Variants in CBFA2T2 observed in about 807,000 individuals in gnomAD.
CBFA2T2 encodes the protein protein CBFA2T2.
In CBFA2T2, 11 loss-of-function variants were observed where a neutral mutation model predicts 62.2. The ratio of observed to expected loss-of-function variants is 0.18; its 90% CI spans 0.11 to 0.29. The LOEUF (loss-of-function observed/expected upper bound fraction) is 0.29, where lower values mean the gene tolerates loss of function less well. Among genes scored for constraint, CBFA2T2 ranks in the 10% least tolerant of loss-of-function variants. The pLI is 1.00. For synonymous variants in CBFA2T2, 295 were observed against 287.5 expected, an observed-to-expected ratio of 1.03 and a Z score of -0.27; for missense variants, 592 against 774.1, an observed-to-expected ratio of 0.76 and a Z score of 2.79.
In CBFA2T2 at chr20:33,623,268, G is replaced by A. The variant is rs750301541; in HGVS notation, c.664G>A (p.Gly222Arg). ...DSSELLMEVH[G>R]NGKRPSPERR... ...GTCAGAGTTGCTCATGGAGGTGCAC[G>A]GAAATGGGAAGAGGCCCAGTCCAGA... Residue 222 changes from glycine (G) to arginine (R), a missense_variant, in exon 5 of 11, where the codon GGA (glycine) becomes AGA (arginine). Coordinates refer to ENST00000342704, the MANE Select transcript of CBFA2T2 (RefSeq NM_001032999.3). 9.3e-6 allele frequency: 15 copies of A among 1,614,108 alleles called. No homozygotes were observed. The highest frequency in any genetic ancestry group is 6.7e-5 in the East Asian group (3 of 44,892).
chr20:33,575,566 G>A (rs895746852), intron 1 of CBFA2T2, among the ~76,000 whole-genome samples: 1 of 152,068 alleles, frequency 6.6e-6, no homozygotes, highest in Non-Finnish European at 1.5e-5. Context: ...ATTGCAGTTA[G>A]TTAAGAGGAA....
intron 1 of CBFA2T2, among the ~76,000 whole-genome samples, chr20:33,595,637 T>A (rs1258431182): frequency 6.6e-6 from 1 of 152,100 alleles, no homozygotes; most frequent in Non-Finnish European, 1.5e-5. Flanking sequence ...CTACAACCTC[T>A]GCCTCCCAGG....
intron 1 of CBFA2T2, among the ~76,000 whole-genome samples, chr20:33,511,606 G>C (rs1315989569): frequency 6.6e-6 from 1 of 152,198 alleles, no homozygotes; most frequent in Non-Finnish European, 1.5e-5. Context: ...GATTACAGGT[G>C]TGAGCCATCA....
At chr20:33,583,499 A>G (rs1042092157) in intron 1 of CBFA2T2, among the ~76,000 whole-genome samples, 3 of 152,254 alleles carry the variant, frequency 2.0e-5, no homozygotes, top group African/African-American at 4.8e-5. Flanking sequence ...AATATAATGT[A>G]TGATGAAGTT....
chr20:33,638,737 A>G (rs1469125004), intron 9 of CBFA2T2: 1 of 152,118 alleles, frequency 6.6e-6, no homozygotes, highest in Non-Finnish European at 1.5e-5. Flanking sequence ...GTAGGGAGCT[A>G]CGTATTTTGG....
intron 6 of CBFA2T2, among the ~76,000 whole-genome samples, chr20:33,627,459 G>A (rs200931091): frequency 5.3e-5 from 8 of 152,114 alleles, no homozygotes; most frequent in African/African-American, 1.9e-4. Context: ...AAACTGGCTT[G>A]CTAATTAATG....
At chr20:33,537,474 G>A (rs1210594547) in intron 1 of CBFA2T2, among the ~76,000 whole-genome samples, 2 of 152,162 alleles carry the variant, frequency 1.3e-5, no homozygotes, top group Non-Finnish European at 2.9e-5. Context: ...GAGGGAGACC[G>A]TGGAAAGAGA....
chr20:33,514,700 A>G (rs958936167), intron 1 of CBFA2T2, among the ~76,000 whole-genome samples: 8 of 151,200 alleles, frequency 5.3e-5, no homozygotes, highest in Non-Finnish European at 1.2e-4. Flanking sequence ...TATTTATTTT[A>G]TTATTATTAT....
intron 1 of CBFA2T2, among the ~76,000 whole-genome samples, chr20:33,568,258 C>G (rs933974736): frequency 5.3e-5 from 8 of 152,094 alleles, no homozygotes; most frequent in African/African-American, 1.9e-4. Flanking sequence ...GTGATTTTTC[C>G]CAGTCCCCCA....
intron 1 of CBFA2T2, among the ~76,000 whole-genome samples, chr20:33,521,293 A>G (rs1172148639): frequency 6.6e-6 from 1 of 152,100 alleles, no homozygotes; most frequent in Non-Finnish European, 1.5e-5. Flanking sequence ...ATCTTCTATA[A>G]ATGTTCTAAA....
In CBFA2T2 at chr20:33,640,419, T is replaced by C. The variant is rs1299183392; in HGVS notation, c.1376T>C (p.Phe459Ser). 1.2e-6 allele frequency: 2 copies of C among 1,614,096 alleles called. No individual in the cohort carries two copies. Among genetic ancestry groups the C allele is most frequent in the African/African-American group, 2.7e-5 (2 of 74,930 alleles). Reference protein sequence around the residue: ...KAVAEAEQKAFEVIATERARM... With the variant: ...KAVAEAEQKASEVIATERARM... Reference sequence around the variant, plus strand: ...GTCGCTGAGGCAGAGCAGAAAGCCTTTGAAGTGATTGCAACAGAGAGAGCA... The same window carrying C: ...GTCGCTGAGGCAGAGCAGAAAGCCTCTGAAGTGATTGCAACAGAGAGAGCA... Residue 459 changes from phenylalanine (F) to serine (S), a missense_variant, in exon 10 of 11, where the codon TTT (phenylalanine) becomes TCT (serine). Phe to Ser is a radical substitution (Grantham distance 155). Coordinates refer to ENST00000342704, the MANE Select transcript of CBFA2T2 (RefSeq NM_001032999.3).
chr20:33,607,145 G>A lies in CBFA2T2; in HGVS notation c.178+46G>A, dbSNP rs527982127. 1.5e-5 allele frequency: 23 copies of A among 1,581,664 alleles called. No individual in the cohort carries two copies. In the Admixed American group the frequency reaches 3.2e-4, roughly 22 times the overall value. On this transcript the variant is annotated intron_variant, in intron 2 of 10. Coordinates refer to ENST00000342704, the MANE Select transcript of CBFA2T2 (RefSeq NM_001032999.3). ...ATGTTTGTAGTTCAGAGTGACATTT[G>A]GATCTAAGTGACTGACTTGTATGAA...
At chr20:33,571,394 G>A (rs1182494334) in intron 1 of CBFA2T2, among the ~76,000 whole-genome samples, 2 of 152,064 alleles carry the variant, frequency 1.3e-5, no homozygotes, top group Non-Finnish European at 2.9e-5. Context: ...TAGATGTTTC[G>A]TTTTCCTTAT....
At chr20:33,521,448 G>C (rs1400239935) in intron 1 of CBFA2T2, among the ~76,000 whole-genome samples, 1 of 151,994 alleles carries the variant, frequency 6.6e-6, no homozygotes, top group Non-Finnish European at 1.5e-5. Context: ...CAAAATTGTT[G>C]TATTTGTGTT....
At chr20:33,560,892 T>C (rs1305986706) in intron 1 of CBFA2T2, among the ~76,000 whole-genome samples, 1 of 152,206 alleles carries the variant, frequency 6.6e-6, no homozygotes, top group Non-Finnish European at 1.5e-5. Flanking sequence ...TTTTGCTTTT[T>C]TTTTGAGACG....
At chr20:33,633,362 C>T (rs2016520700) in intron 8 of CBFA2T2, among the ~76,000 whole-genome samples, 1 of 137,138 alleles carries the variant, frequency 7.3e-6, no homozygotes, top group African/African-American at 3.1e-5. Flanking sequence ...CACAGTGAGA[C>T]TCTGTCGCAA....
chr20:33,560,956 C>T (rs1042994441), intron 1 of CBFA2T2, among the ~76,000 whole-genome samples: 3 of 152,148 alleles, frequency 2.0e-5, no homozygotes, highest in African/African-American at 7.2e-5. Context: ...CAGCTCACTG[C>T]AACCTCCACC....
chr20:33,490,120 A>G lies in CBFA2T2; in HGVS notation c.-148A>G. 1 of 699,730 alleles carries G rather than the reference A, an allele frequency of 1.4e-6. No homozygotes were observed. Among genetic ancestry groups the G allele is most frequent in the Non-Finnish European group, 1.9e-6 (1 of 532,820 alleles). The allele number at this position is 699,730 out of a possible 1,614,324, so 43.3% of individuals were successfully genotyped here. On this transcript the variant is annotated 5_prime_UTR_variant, in exon 1 of 11. Transcript: ENST00000342704. ...CGGCGGCGGCGGCGACGGCGACAGC[A>G]GCGGTGGTGGTGTCTGGTTAGCTCG...
chr20:33,642,993 G>A (rs774852304), intron 10 of CBFA2T2, among the ~76,000 whole-genome samples: 50 of 152,208 alleles, frequency 3.3e-4, no homozygotes, highest in Non-Finnish European at 6.0e-4. Context: ...AGCAGGGAAG[G>A]GATAGAGGGC....
Sources: allele counts gnomAD v4.1 joint callset (sites outside exome capture counted in the v4.1 genomes callset), GRCh38; gene constraint gnomAD v4.1.1; transcripts MANE v1.5; gene names NCBI Gene and HGNC (gene_info 2026-07-23, HGNC 2026-07-21).